ANO7: variants seen among roughly 807,000 people sequenced by gnomAD.
ANO7 encodes anoctamin 7, also known as anoctamin-7.
A neutral mutation model predicts 115.8 loss-of-function variants in ANO7; 114 were observed. The ratio of observed to expected loss-of-function variants is 0.98; its 90% CI spans 0.85 to 1.15. ANO7 has a LOEUF of 1.15. Among genes scored for constraint, ANO7 ranks in the 50% most tolerant of loss-of-function variants. The pLI, the probability that ANO7 is intolerant of heterozygous loss-of-function variation, is 0.00. For synonymous variants in ANO7, 550 were observed against 498.2 expected, an observed-to-expected ratio of 1.10 and a Z score of -1.38; for missense variants, 1,302 against 1,201.2, an observed-to-expected ratio of 1.08 and a Z score of -1.24.
At chr2:241,233,813 C>T in the ANO7 span, 3 of 1,614,086 alleles carry the variant, frequency 1.9e-6, no homozygotes, top group Non-Finnish European at 2.5e-6. The surrounding 1 kb of genome is among the most constrained non-coding windows in gnomAD (Gnocchi z 4.3). Flanking sequence ...CCAACCGAGG[C>T]TCTCACCTGG....
At chr2:241,233,759 A>C in the ANO7 span, 14 of 1,602,310 alleles carry the variant, frequency 8.7e-6, no homozygotes, top group Non-Finnish European at 1.2e-5. The surrounding 1 kb of genome is among the most constrained non-coding windows in gnomAD (Gnocchi z 4.3). Context: ...TACTGCTCCC[A>C]AGTCACAGGA....
the ANO7 span, among the ~76,000 whole-genome samples, chr2:241,234,261 G>A: frequency 1.3e-5 from 2 of 152,200 alleles, no homozygotes; most frequent in African/African-American, 4.8e-5. Flanking sequence ...TGAGTCACGA[G>A]CTTGGGGCCC....
intron 3 of ANO7, among the ~76,000 whole-genome samples, chr2:241,192,515 CA>C (rs2068230640): frequency 6.6e-6 from 1 of 152,154 alleles, no homozygotes; most frequent in Non-Finnish European, 1.5e-5. Context: ...CCTATAAGGA[CA>C]CGAGTTGTCA....
At chr2:241,199,957 T>C in intron 5 of ANO7, 132 bp from the exon 6 acceptor site, 2 of 1,077,984 alleles carry the variant, frequency 1.9e-6, no homozygotes, top group East Asian at 2.6e-5. Flanking sequence ...TCACAGGGTC[T>C]ACCACGCTCC....
intron 6 of ANO7, 71 bp downstream of exon 6, chr2:241,200,296 A>G (rs762312765): frequency 3.7e-5 from 57 of 1,554,220 alleles, no homozygotes; most frequent in Middle Eastern, 1.7e-4. Flanking sequence ...AGTGAGCGGA[A>G]CTTGGTGCTT....
chr2:241,194,376 G>A (rs1185466508), intron 3 of ANO7, among the ~76,000 whole-genome samples: 5 of 149,784 alleles, frequency 3.3e-5, no homozygotes, highest in East Asian at 4.0e-4. Flanking sequence ...GTGCAGTGGC[G>A]TGATCTCAGC....
intron 16 of ANO7, 121 bp from the exon 17 acceptor site, chr2:241,212,451 G>A (rs532832355): frequency 6.1e-5 from 71 of 1,157,230 alleles, no homozygotes; most frequent in South Asian, 1.2e-4. Flanking sequence ...GGGACTCTAC[G>A]CCACAGTTCG....
intron 1 of ANO7, among the ~76,000 whole-genome samples, chr2:241,189,773 G>A (rs2068144537): frequency 6.6e-6 from 1 of 152,184 alleles, no homozygotes; most frequent in African/African-American, 2.4e-5. Flanking sequence ...CGGCATTCAG[G>A]GCTGGGGGAC....
At position 241,216,161 on chromosome 2, in the gene ANO7, G is replaced by C; in HGVS notation, c.1895G>C (p.Gly632Ala). The C allele has an allele frequency of 1.2e-6, 2 of 1,613,332 alleles. No homozygotes were observed. The highest frequency in any genetic ancestry group is 1.3e-5 in the African/African-American group (1 of 75,052). ...AAGAGGAAGGCGGGAGCTTCTGCAG[G>C]GGCTAGCCAGGGGCCCTGGGAGGAC... ...SKKRKAGASA[G>A]ASQGPWEDDY... is the part of the protein sequence containing the mutation. The change falls in exon 19 of 25, where the codon GGG becomes GCG. Residue 632 changes from glycine (G) to alanine (A), a missense_variant. Coordinates refer to ENST00000674324, the MANE Select transcript of ANO7 (RefSeq NM_001370694.2).
chr2:241,235,080 C>T, the ANO7 span: 11 of 1,603,414 alleles, frequency 6.9e-6, no homozygotes, highest in South Asian at 1.1e-5. Context: ...CAAAGCTGAG[C>T]ACCATGGCTC....
chr2:241,217,942 G>GCGGGGGGGGCA (rs1418971032), intron 20 of ANO7, 51 bp downstream of exon 20: 4 of 84,010 alleles, frequency 4.8e-5, no homozygotes, highest in African/African-American at 7.0e-4. Context: ...CAGGGGCGGG[G>GCGGGGGGGGCA]GCGGGGGGGG....
rs760827486 is a variant in ANO7, at chr2:241,191,267, C to A, written c.166+16C>A. The A allele has an allele frequency of 1.9e-6, 3 of 1,613,398 alleles. No homozygotes were observed. In the South Asian group the frequency reaches 3.3e-5, roughly 18 times the overall value. On this transcript the variant is annotated intron_variant, in intron 3 of 24. Coordinates refer to ENST00000674324, the MANE Select transcript of ANO7 (RefSeq NM_001370694.2). ...CCCCGGATCGGTGAGCCCCTCCCAG[C>A]ACCTGTACCACACCCGTGTTGGTCC...
chr2:241,209,250 C>T (rs1232951046), intron 11 of ANO7, 35 bp from the exon 12 acceptor site: 4 of 1,534,232 alleles, frequency 2.6e-6, no homozygotes, highest in African/African-American at 2.7e-5. Flanking sequence ...CCTCCAGTCC[C>T]AAGCAAGTCT....
chr2:241,208,772 C>T (rs1017840650), intron 11 of ANO7, among the ~76,000 whole-genome samples: 1 of 152,156 alleles, frequency 6.6e-6, no homozygotes, highest in Non-Finnish European at 1.5e-5. Context: ...CAAATCGCAT[C>T]CTCAAAGTCA....
Position 241,191,200 on chromosome 2 carries a change from G to A in ANO7, c.115G>A (p.Gly39Arg). ...CATCCTCCATGCCTTCCAGCCAGGTGGACAGCAAGCGGCCGCCTGCAGAGC... is the reference window on the plus strand; with the variant it reads ...CATCCTCCATGCCTTCCAGCCAGGTAGACAGCAAGCGGCCGCCTGCAGAGC... ...GSTAHASEPG[G>R]QQAAACRAGS... Residue 39 changes from glycine to arginine, a missense_variant, in exon 3 of 25, where the codon GGA becomes AGA. Transcript: ENST00000674324. The A allele has an allele frequency of 1.2e-6, 2 of 1,613,940 alleles. No homozygotes were observed. The highest frequency in any genetic ancestry group is 2.7e-5 in the African/African-American group (2 of 75,052).
chr2:241,191,105 A>T (rs969279191), intron 2 of ANO7, 89 bp from the exon 3 acceptor site: 32 of 1,414,476 alleles, frequency 2.3e-5, no homozygotes, highest in Non-Finnish European at 2.6e-5. Context: ...GTTGGAGGCG[A>T]GGACGGCTTC....
chr2:241,230,473 C>T (rs998442985), downstream of ANO7, among the ~76,000 whole-genome samples: 1 of 152,216 alleles, frequency 6.6e-6, no homozygotes, highest in Admixed American at 6.5e-5. This position sits in a 1 kb window ranked among gnomAD's most constrained non-coding sequence, Gnocchi z 5.0. Context: ...GACAGAGGGC[C>T]GCAGCACGTA....
chr2:241,211,888 G>A (rs550396508), intron 15 of ANO7, among the ~76,000 whole-genome samples: 45 of 152,328 alleles, frequency 3.0e-4, no homozygotes, highest in African/African-American at 9.9e-4. Context: ...TTGGGATATA[G>A]GGTATTATCA....
chr2:241,233,589 G>A, the ANO7 span, among the ~76,000 whole-genome samples: 3 of 152,046 alleles, frequency 2.0e-5, no homozygotes, highest in East Asian at 3.9e-4. This position sits in a 1 kb window ranked among gnomAD's most constrained non-coding sequence, Gnocchi z 4.3. Context: ...GGAAGGAGAC[G>A]CAGGAGAAAA....
Sources: gnomAD v4.1 joint callset for allele counts (sites outside exome capture counted in the v4.1 genomes callset) on GRCh38, gnomAD v4.1.1 for gene constraint, Gnocchi (gnomAD v3.1) non-coding constraint, MANE v1.5 for transcripts, NCBI Gene and HGNC (gene_info 2026-07-23, HGNC 2026-07-21) for gene names.